PRKG1: variants seen among roughly 807,000 people sequenced by gnomAD.
The protein encoded by PRKG1 is protein kinase cGMP-dependent 1.
In PRKG1, 35 loss-of-function variants were observed where a neutral mutation model predicts 88.1. The ratio of observed to expected loss-of-function variants is 0.40; its 90% CI spans 0.30 to 0.53. PRKG1 has a LOEUF of 0.53. Among genes scored for constraint, PRKG1 ranks in the 20% least tolerant of loss-of-function variants. The pLI is 0.59. For synonymous variants in PRKG1, 303 were observed against 292.5 expected, an observed-to-expected ratio of 1.04 and a Z score of -0.37; for missense variants, 540 against 839.8, an observed-to-expected ratio of 0.64 and a Z score of 4.41.
intron 1 of PRKG1, among the ~76,000 whole-genome samples, chr10:51,036,649 G>A (rs1448806777): frequency 6.6e-6 from 1 of 152,064 alleles, no homozygotes; most frequent in Non-Finnish European, 1.5e-5. Flanking sequence ...GGAAAGGGAA[G>A]GAAAACAACC....
At chr10:52,186,919 C>T (rs962786283) in intron 9 of PRKG1, among the ~76,000 whole-genome samples, 6 of 152,154 alleles carry the variant, frequency 3.9e-5, no homozygotes, top group Non-Finnish European at 5.9e-5. Context: ...ATGTGGAAGT[C>T]TCACAATTTG....
At chr10:51,877,241 T>A (rs1841322094) in intron 4 of PRKG1, among the ~76,000 whole-genome samples, 2 of 152,156 alleles carry the variant, frequency 1.3e-5, no homozygotes, top group South Asian at 2.1e-4. Flanking sequence ...CCAGATTATC[T>A]TTCTTTTCAG....
rs548468459 is a variant in PRKG1 at position 52,029,111 on chromosome 10, C to T, written c.763-25373C>T. Among the ~76,000 whole-genome samples the T allele has an allele frequency of 6.6e-5, 10 of 152,246 alleles. No individual in the cohort carries two copies. The East Asian group carries it at 1.2e-3, about 18-fold the overall frequency. ...GTTTTCTACTGGGCTGCTAATAGAG[C>T]GGGCTGGACTTTCCTATTCTTGCAT... On this transcript the variant is annotated intron_variant, in intron 5 of 17. Transcript: ENST00000373980.
chr10:51,357,315 T>C (rs1842387156), intron 2 of PRKG1, among the ~76,000 whole-genome samples: 1 of 151,928 alleles, frequency 6.6e-6, no homozygotes, highest in Non-Finnish European at 1.5e-5. Flanking sequence ...AAGGAAGTAG[T>C]ATTGATTGGT....
At chr10:51,709,236 A>G (rs1486211041) in intron 3 of PRKG1, among the ~76,000 whole-genome samples, 2 of 152,210 alleles carry the variant, frequency 1.3e-5, no homozygotes, top group Non-Finnish European at 2.9e-5. Flanking sequence ...AGTTCCCACC[A>G]TATATAATGC....
At chr10:51,205,127 CTT>C (rs58176913) in intron 2 of PRKG1, among the ~76,000 whole-genome samples, 1,652 of 64,046 alleles carry the variant, frequency 0.026, 310 homozygotes, top group African/African-American at 0.089. Flanking sequence ...ATTTTCTTTT[CTT>C]TTTTTTTTTT....
intron 2 of PRKG1, among the ~76,000 whole-genome samples, chr10:51,187,905 A>G (rs1331012662): frequency 2.6e-5 from 4 of 152,044 alleles, no homozygotes; most frequent in Non-Finnish European, 4.4e-5. Context: ...TTTCTTGAAT[A>G]TATTTGACCT....
intron 1 of PRKG1, among the ~76,000 whole-genome samples, chr10:51,075,771 G>A (rs1264099826): frequency 6.6e-6 from 1 of 152,148 alleles, no homozygotes; most frequent in Non-Finnish European, 1.5e-5. Context: ...CAATTCTGAT[G>A]TTAGTGGGCT....
At chr10:52,100,947 C>A (rs1484472710) in intron 7 of PRKG1, among the ~76,000 whole-genome samples, 1 of 151,978 alleles carries the variant, frequency 6.6e-6, no homozygotes, top group Non-Finnish European at 1.5e-5. Context: ...GCTTTGTTGC[C>A]CAGAATGTGT....
At chr10:51,577,848 C>T (rs1350535494) in intron 3 of PRKG1, among the ~76,000 whole-genome samples, 1 of 152,060 alleles carries the variant, frequency 6.6e-6, no homozygotes, top group African/African-American at 2.4e-5. Flanking sequence ...AGTCCCTCTT[C>T]TGTGGTATTT....
chr10:51,196,490 A>G (rs1052636491), intron 2 of PRKG1, among the ~76,000 whole-genome samples: 1 of 152,208 alleles, frequency 6.6e-6, no homozygotes, highest in African/African-American at 2.4e-5. Context: ...TGTCAGTGAC[A>G]GATAATAAAG....
intron 9 of PRKG1, among the ~76,000 whole-genome samples, chr10:52,185,824 T>C (rs1436220429): frequency 6.6e-6 from 1 of 152,186 alleles, no homozygotes; most frequent in East Asian, 1.9e-4. Flanking sequence ...AAGTGGCAAC[T>C]TGAGCAGGAT....
chr10:51,720,916 A>G (rs1841995976), intron 3 of PRKG1, among the ~76,000 whole-genome samples: 1 of 152,120 alleles, frequency 6.6e-6, no homozygotes, highest in Non-Finnish European at 1.5e-5. Flanking sequence ...TAGTAAAACA[A>G]CATGGCTGGG....
intron 9 of PRKG1, among the ~76,000 whole-genome samples, chr10:52,249,944 A>T (rs1194511): frequency 0.24 from 37,081 of 152,208 alleles, 4,910 homozygotes; most frequent in Admixed American, 0.29. Context: ...GATCTCATTA[A>T]GGATTTAATT....
intron 7 of PRKG1, among the ~76,000 whole-genome samples, chr10:52,129,292 C>T (rs1306739140): frequency 6.6e-6 from 1 of 152,118 alleles, no homozygotes; most frequent in Non-Finnish European, 1.5e-5. Context: ...AATATTACAT[C>T]TTTAAATTCA....
rs77089720 is a variant in PRKG1 at position 51,533,884 on chromosome 10, T to C, written c.592+66048T>C. The stretch of plus-strand genomic sequence containing the variant: ...TCTTAGAATCGGAAGGTTACAAGAA[T>C]TGCCAATTTTATCTAGCTTAACCGT... On this transcript the variant is annotated intron_variant, in intron 3 of 17. Coordinates refer to ENST00000373980, the MANE Select transcript of PRKG1 (RefSeq NM_006258.4). 2.2e-3 allele frequency among the ~76,000 whole-genome samples: 334 copies of C among 152,294 alleles called. 3 individuals carry two copies. Among genetic ancestry groups the C allele is most frequent in the African/African-American group, 7.2e-3 (298 of 41,558 alleles).
At chr10:51,275,083 C>T (rs1840079207) in intron 2 of PRKG1, among the ~76,000 whole-genome samples, 2 of 152,142 alleles carry the variant, frequency 1.3e-5, no homozygotes, top group Non-Finnish European at 2.9e-5. Flanking sequence ...AAATTAAATT[C>T]GATAGCCAGT....
intron 2 of PRKG1, among the ~76,000 whole-genome samples, chr10:51,407,718 C>G (rs1461617529): frequency 1.3e-5 from 2 of 152,168 alleles, no homozygotes; most frequent in Admixed American, 1.3e-4. Context: ...TGCAGTCCTG[C>G]CTGGATTGAA....
At chr10:51,256,457 C>T (rs187130243) in intron 2 of PRKG1, among the ~76,000 whole-genome samples, 13 of 152,118 alleles carry the variant, frequency 8.5e-5, no homozygotes, top group African/African-American at 2.9e-4. Flanking sequence ...ACTGAGATAG[C>T]GTGGTAGAAA....
Sources: allele counts gnomAD v4.1 joint callset (sites outside exome capture counted in the v4.1 genomes callset), GRCh38; gene constraint gnomAD v4.1.1; transcripts MANE v1.5; gene names NCBI Gene and HGNC (gene_info 2026-07-23, HGNC 2026-07-21).